PACRG: variants seen among roughly 807,000 people sequenced by gnomAD.
PACRG encodes parkin coregulated gene protein.
PACRG carries 29 observed loss-of-function variants against 29.7 expected under a neutral mutation model. The ratio of observed to expected loss-of-function variants is 0.98; its 90% CI spans 0.73 to 1.33. The LOEUF (loss-of-function observed/expected upper bound fraction) is 1.33. PACRG is among the 40% of genes most tolerant of loss of function. The pLI, the probability that PACRG is intolerant of heterozygous loss-of-function variation, is 0.00. For synonymous variants in PACRG, 116 were observed against 118.7 expected (o/e 0.98, Z 0.15); for missense variants, 279 against 316.2 (o/e 0.88, Z 0.89).
chr6:162,973,337 T>C (rs912255121), intron 2 of PACRG, among the ~76,000 whole-genome samples: 3 of 152,226 alleles, frequency 2.0e-5, no homozygotes, highest in African/African-American at 7.2e-5. Flanking sequence ...CCAGACGATG[T>C]GAAAGTCTGT....
At chr6:163,182,629 A>T (rs1779725970) in intron 4 of PACRG, 1 of 152,232 alleles carries the variant, frequency 6.6e-6, no homozygotes, top group Admixed American at 6.5e-5. Flanking sequence ...AAATTGAGAA[A>T]ATGCGTATTT....
At chr6:163,212,080 G>C (rs1781166017) in intron 4 of PACRG, among the ~76,000 whole-genome samples, 1 of 152,154 alleles carries the variant, frequency 6.6e-6, no homozygotes, top group African/African-American at 2.4e-5. Flanking sequence ...GGAGTACAGA[G>C]CAGTGGGATA....
At chr6:163,201,079 T>G (rs1463431954) in intron 4 of PACRG, among the ~76,000 whole-genome samples, 1 of 152,236 alleles carries the variant, frequency 6.6e-6, no homozygotes, top group Non-Finnish European at 1.5e-5. Context: ...AAATGTGATG[T>G]TTATTATTTC....
intron 2 of PACRG, among the ~76,000 whole-genome samples, chr6:163,003,181 G>T (rs1358275432): frequency 6.6e-6 from 1 of 152,170 alleles, no homozygotes; most frequent in Non-Finnish European, 1.5e-5. Context: ...CTTAAAGTAG[G>T]TGAATACTTC....
intron 1 of PACRG, among the ~76,000 whole-genome samples, chr6:162,738,155 A>G (rs13195186): frequency 0.49 from 74,612 of 151,900 alleles, 20,490 homozygotes; most frequent in African/African-American, 0.75. Flanking sequence ...GGATCCTGAA[A>G]TTTGTATACA....
intron 4 of PACRG, among the ~76,000 whole-genome samples, chr6:163,174,907 C>G (rs1029264664): frequency 2.6e-5 from 4 of 152,100 alleles, no homozygotes; most frequent in African/African-American, 9.6e-5. Context: ...GGTTTTATTT[C>G]CACCTTTGAT....
intron 1 of PACRG, among the ~76,000 whole-genome samples, chr6:162,729,690 G>GT (rs1280609419): frequency 6.6e-6 from 1 of 151,794 alleles, no homozygotes; most frequent in Non-Finnish European, 1.5e-5. Flanking sequence ...CAATTTTGAT[G>GT]TTTTTTAATG....
intron 4 of PACRG, among the ~76,000 whole-genome samples, chr6:163,181,802 A>G (rs1779687932): frequency 6.6e-6 from 1 of 152,072 alleles, no homozygotes; most frequent in South Asian, 2.1e-4. Flanking sequence ...CATACCGTAA[A>G]ACCTGAGTCC....
At chr6:163,036,625 A>T (rs1808212421) in intron 2 of PACRG, among the ~76,000 whole-genome samples, 1 of 152,184 alleles carries the variant, frequency 6.6e-6, no homozygotes. Context: ...TCACTTGTGA[A>T]TCAAAAGGGG....
At chr6:162,905,100 A>G (rs1424802233) in intron 2 of PACRG, among the ~76,000 whole-genome samples, 11 of 152,200 alleles carry the variant, frequency 7.2e-5, no homozygotes, top group Non-Finnish European at 1.5e-5. Flanking sequence ...GGTCCCCTGT[A>G]AGCCTTGCCT....
intron 2 of PACRG, among the ~76,000 whole-genome samples, chr6:162,994,227 T>TG (rs1456361290): frequency 2.9e-5 from 4 of 139,878 alleles, no homozygotes; most frequent in Non-Finnish European, 6.1e-5. Context: ...GTCTTGGAGT[T>TG]GCTCTTCTCG....
At chr6:162,743,003 G>T (rs1166083748) in intron 1 of PACRG, among the ~76,000 whole-genome samples, 3 of 152,094 alleles carry the variant, frequency 2.0e-5, no homozygotes, top group South Asian at 4.1e-4. Flanking sequence ...GTGTGCAAGG[G>T]TTCCCATTTT....
At chr6:163,220,500 G>A (rs1188179083) in intron 4 of PACRG, among the ~76,000 whole-genome samples, 3 of 152,124 alleles carry the variant, frequency 2.0e-5, no homozygotes, top group East Asian at 1.9e-4. Context: ...GCTCTAAGGC[G>A]GAGAAGATGG....
At chr6:162,988,079 C>A (rs1054623185) in intron 2 of PACRG, among the ~76,000 whole-genome samples, 1 of 152,172 alleles carries the variant, frequency 6.6e-6, no homozygotes, top group Non-Finnish European at 1.5e-5. Context: ...TTCAAGGGAT[C>A]TGTGAATTCT....
intron 2 of PACRG, among the ~76,000 whole-genome samples, chr6:163,033,131 T>C (rs1807825031): frequency 6.6e-6 from 1 of 152,224 alleles, no homozygotes; most frequent in African/African-American, 2.4e-5. Flanking sequence ...AAAAACACAT[T>C]TCACTTTTCT....
intron 4 of PACRG, among the ~76,000 whole-genome samples, chr6:163,309,690 C>T (rs1187015865): frequency 6.6e-6 from 1 of 152,178 alleles, no homozygotes; most frequent in Non-Finnish European, 1.5e-5. Flanking sequence ...ATGTTTGGTT[C>T]GTTGCCTTCT....
intron 2 of PACRG, among the ~76,000 whole-genome samples, chr6:163,008,406 A>G (rs1805320687): frequency 6.6e-6 from 1 of 152,014 alleles, no homozygotes; most frequent in Non-Finnish European, 1.5e-5. Flanking sequence ...ATCCAAATCC[A>G]TGTGGGATCT....
At chr6:163,273,979 C>A (rs1783936693) in intron 4 of PACRG, among the ~76,000 whole-genome samples, 1 of 152,086 alleles carries the variant, frequency 6.6e-6, no homozygotes, top group Non-Finnish European at 1.5e-5. Context: ...AGTGGCATAT[C>A]ATAACTTCTG....
At chr6:163,239,553 A>G (rs114351901) in intron 4 of PACRG, among the ~76,000 whole-genome samples, 270 of 151,848 alleles carry the variant, frequency 1.8e-3, no homozygotes, top group African/African-American at 4.1e-3. Context: ...CTACAACTCA[A>G]TCTCTCCAAG....
Sources: gnomAD v4.1 joint callset for allele counts (sites outside exome capture counted in the v4.1 genomes callset) on GRCh38, gnomAD v4.1.1 for gene constraint, MANE v1.5 for transcripts, NCBI Gene and HGNC (gene_info 2026-07-23, HGNC 2026-07-21) for gene names.